Variants in ANKS1B observed in about 807,000 individuals in gnomAD.
The protein encoded by ANKS1B is ankyrin repeat and sterile alpha motif domain-containing protein 1B.
In ANKS1B, 36 loss-of-function variants were observed where a neutral mutation model predicts 148.3. The ratio of observed to expected loss-of-function variants is 0.24; its 90% CI spans 0.19 to 0.32. The LOEUF (loss-of-function observed/expected upper bound fraction) is 0.32, where lower values mean the gene tolerates loss of function less well. Ranked by LOEUF, ANKS1B falls within the 10% of genes least tolerant of loss-of-function variation. The pLI, the probability that ANKS1B is intolerant of heterozygous loss-of-function variation, is 1.00. For missense variants in ANKS1B, 1,157 were observed against 1,542.6 expected (o/e 0.75, Z 4.19); for synonymous variants, 542 against 560.8 (o/e 0.97, Z 0.47).
rs74714539 is a variant in ANKS1B, at chr12:99,152,482, T to G, written c.2526+1807A>C. ...TCCAGGATTTTGCCTTCCATATAAA[T>G]TTTGAAGTGCTTATACATGATTCAT... On this transcript the variant is annotated intron_variant, in intron 15 of 26. Coordinates refer to ENST00000683438, the MANE Select transcript of ANKS1B (RefSeq NM_001352186.2). 4.3e-3 allele frequency among the ~76,000 whole-genome samples: 657 copies of G among 152,280 alleles called. 5 individuals carry two copies. Among genetic ancestry groups the G allele is most frequent in the African/African-American group, 0.015 (609 of 41,568 alleles).
At chr12:98,822,346 C>T (rs2099203442) in intron 19 of ANKS1B, among the ~76,000 whole-genome samples, 1 of 152,030 alleles carries the variant, frequency 6.6e-6, no homozygotes, top group Non-Finnish European at 1.5e-5. Context: ...ATTCTCCTAC[C>T]CTTGAAAATT....
intron 9 of ANKS1B, among the ~76,000 whole-genome samples, chr12:99,650,402 A>G (rs2098411506): frequency 6.6e-6 from 1 of 152,202 alleles, no homozygotes; most frequent in Non-Finnish European, 1.5e-5. Context: ...GAGACCATAC[A>G]TGTATAATAT....
intron 1 of ANKS1B, among the ~76,000 whole-genome samples, chr12:99,854,005 G>GTTTGT (rs922060888): frequency 3.9e-5 from 6 of 152,056 alleles, no homozygotes; most frequent in East Asian, 1.9e-4. Flanking sequence ...TTTTTTGTTT[G>GTTTGT]TTTGTTTTGT....
chr12:98,931,693 AG>A (rs1331788432), intron 17 of ANKS1B: 1 of 152,196 alleles, frequency 6.6e-6, no homozygotes, highest in Non-Finnish European at 1.5e-5. Context: ...TGTGTGTGAC[AG>A]GAAGGAAACT....
At chr12:99,372,874 C>T (rs375955980) in intron 12 of ANKS1B, among the ~76,000 whole-genome samples, 3 of 152,056 alleles carry the variant, frequency 2.0e-5, no homozygotes, top group East Asian at 3.9e-4. Context: ...ATCTGCACTC[C>T]CTCATAATGT....
chr12:99,194,908 T>C (rs772978996), intron 14 of ANKS1B, among the ~76,000 whole-genome samples: 11 of 152,290 alleles, frequency 7.2e-5, no homozygotes, highest in South Asian at 4.1e-4. Flanking sequence ...AGTTGGGTGA[T>C]AGGAACATGG....
chr12:99,135,815 T>G (rs982168973), intron 15 of ANKS1B, among the ~76,000 whole-genome samples: 1 of 152,184 alleles, frequency 6.6e-6, no homozygotes, highest in African/African-American at 2.4e-5. Flanking sequence ...AAACAGTGGA[T>G]TCAATGGAGG....
At chr12:98,914,908 T>C (rs1490846849) in intron 17 of ANKS1B, among the ~76,000 whole-genome samples, 3 of 152,190 alleles carry the variant, frequency 2.0e-5, no homozygotes, top group African/African-American at 7.2e-5. Context: ...AGCACTTTAT[T>C]ACCCTCTAAT....
At chr12:99,978,845 C>G (rs1413814958) in intron 1 of ANKS1B, among the ~76,000 whole-genome samples, 1 of 152,118 alleles carries the variant, frequency 6.6e-6, no homozygotes, top group Non-Finnish European at 1.5e-5. Context: ...ATCTTAAGAA[C>G]TGTATTATTT....
intron 9 of ANKS1B, among the ~76,000 whole-genome samples, chr12:99,602,356 A>G (rs2097808030): frequency 2.0e-5 from 3 of 152,118 alleles, no homozygotes; most frequent in African/African-American, 7.2e-5. Context: ...TATTGCAGGT[A>G]GGCCTCCACC....
intron 9 of ANKS1B, among the ~76,000 whole-genome samples, chr12:99,641,348 A>G (rs1387925874): frequency 6.6e-6 from 1 of 152,206 alleles, no homozygotes; most frequent in Non-Finnish European, 1.5e-5. Flanking sequence ...ATGGCCAACA[A>G]ATAATAGTCA....
At chr12:99,413,355 T>G (rs572706435) in intron 11 of ANKS1B, among the ~76,000 whole-genome samples, 49 of 152,146 alleles carry the variant, frequency 3.2e-4, no homozygotes, top group Non-Finnish European at 6.8e-4. Context: ...GATTGCATTT[T>G]CCCCGAAAGA....
chr12:99,483,118 A>G (rs1230215372), intron 10 of ANKS1B, among the ~76,000 whole-genome samples: 1 of 151,516 alleles, frequency 6.6e-6, no homozygotes, highest in African/African-American at 2.4e-5. Flanking sequence ...CCCATTCCAT[A>G]TGATGTTGGC....
intron 17 of ANKS1B, among the ~76,000 whole-genome samples, chr12:99,047,174 T>C (rs1380685727): frequency 1.3e-5 from 2 of 151,976 alleles, no homozygotes; most frequent in Non-Finnish European, 2.9e-5. Context: ...CCAAGGCAGG[T>C]GGATCACTTG....
intron 15 of ANKS1B, among the ~76,000 whole-genome samples, chr12:99,121,455 C>G (rs879525478): frequency 6.6e-6 from 1 of 151,578 alleles, no homozygotes; most frequent in Non-Finnish European, 1.5e-5. Flanking sequence ...ACTTAAGGTA[C>G]TTGAGGTTTG....
chr12:99,473,499 A>G (rs1164985665), intron 10 of ANKS1B, among the ~76,000 whole-genome samples: 1 of 152,008 alleles, frequency 6.6e-6, no homozygotes, highest in Non-Finnish European at 1.5e-5. Context: ...GTGCATTTCA[A>G]ACTTTTAAAA....
chr12:99,002,899 A>G (rs1468164080), intron 17 of ANKS1B, among the ~76,000 whole-genome samples: 1 of 152,064 alleles, frequency 6.6e-6, no homozygotes, highest in Admixed American at 6.6e-5. Context: ...TATCTATGAA[A>G]TCCTTGCCAA....
intron 26 of ANKS1B, among the ~76,000 whole-genome samples, chr12:98,746,141 A>C (rs2097885873): frequency 1.3e-5 from 2 of 152,290 alleles, no homozygotes; most frequent in South Asian, 4.1e-4. Flanking sequence ...TACGAGGGGA[A>C]GAGAGGGCAC....
At chr12:99,559,511 A>G (rs1403606120) in intron 9 of ANKS1B, among the ~76,000 whole-genome samples, 1 of 152,150 alleles carries the variant, frequency 6.6e-6, no homozygotes, top group African/African-American at 2.4e-5. Context: ...AATTAATATT[A>G]CTCGTTCCAG....
Sources: gnomAD v4.1 joint callset for allele counts (sites outside exome capture counted in the v4.1 genomes callset) on GRCh38, gnomAD v4.1.1 for gene constraint, MANE v1.5 for transcripts, NCBI Gene and HGNC (gene_info 2026-07-23, HGNC 2026-07-21) for gene names.